Variants in DCC observed in about 807,000 individuals in gnomAD.
The protein encoded by DCC is netrin receptor DCC.
DCC carries 58 observed loss-of-function variants against 172.5 expected under a neutral mutation model. The observed-to-expected ratio is 0.34, with a 90% CI of 0.27 to 0.42. The LOEUF is 0.42. Ranked by LOEUF, DCC falls within the 10% of genes least tolerant of loss-of-function variation. DCC has a pLI of 1.00. For missense variants in DCC, 1,740 were observed against 1,791.0 expected, an observed-to-expected ratio of 0.97 and a Z score of 0.51; for synonymous variants, 709 against 644.5, an observed-to-expected ratio of 1.10 and a Z score of -1.52.
In DCC at chr18:53,450,516, A is replaced by C; in HGVS notation, c.3246A>C (p.Gln1082His). The C allele has an allele frequency of 1.9e-6, 3 of 1,613,942 alleles. No homozygotes were observed. The highest frequency in any genetic ancestry group is 2.2e-5 in the South Asian group (2 of 91,068). Residue 1082 changes from glutamine to histidine, a missense_variant, in exon 23 of 29, where the codon CAA becomes CAC. Physicochemically the swap from Gln to His is conservative, Grantham distance 24 (BLOSUM62 0). Coordinates refer to ENST00000442544, the MANE Select transcript of DCC (RefSeq NM_005215.4). ...RSTLNEPPIGQMHPPHGSVTP... is the reference protein window; with the variant it reads ...RSTLNEPPIGHMHPPHGSVTP... ...TTTTCCCAGAGCCGCCAATTGGACAAATGCACCCCCCGCATGGCAGTGTCA... is the reference window on the plus strand; with the variant it reads ...TTTTCCCAGAGCCGCCAATTGGACACATGCACCCCCCGCATGGCAGTGTCA...
intron 7 of DCC, among the ~76,000 whole-genome samples, chr18:53,127,743 T>C (rs570760810): frequency 6.6e-6 from 1 of 152,296 alleles, no homozygotes; most frequent in Admixed American, 6.5e-5. Flanking sequence ...TTCTGCCTTT[T>C]AGAAGTGGTG....
At chr18:52,720,367 T>G (rs148154852) in intron 1 of DCC, among the ~76,000 whole-genome samples, 257 of 152,348 alleles carry the variant, frequency 1.7e-3, no homozygotes, top group African/African-American at 5.8e-3. Context: ...AATTATTTTC[T>G]GGTTTGGAAT....
intron 1 of DCC, among the ~76,000 whole-genome samples, chr18:52,349,381 C>T (rs1984018849): frequency 6.6e-6 from 1 of 152,172 alleles, no homozygotes; most frequent in Non-Finnish European, 1.5e-5. Context: ...GTCCTCAATC[C>T]ATTGTTCCTG....
At chr18:52,858,440 G>A (rs974449090) in intron 2 of DCC, among the ~76,000 whole-genome samples, 3 of 152,186 alleles carry the variant, frequency 2.0e-5, no homozygotes, top group Non-Finnish European at 4.4e-5. Context: ...ACACACAGAA[G>A]CATGTGTCTA....
In DCC at chr18:53,169,239, T is replaced by C. The variant is rs938036812; in HGVS notation, c.1419-9723T>C. On this transcript the variant is annotated intron_variant, in intron 8 of 28. Transcript: ENST00000442544. ...GGTTAGTGGGTCAAACTGCATGCTT[T>C]TAGAGTAGAAACATTTATTTTCCAA... 8.0e-4 allele frequency among the ~76,000 whole-genome samples: 122 copies of C among 152,324 alleles called. 2 individuals carry two copies. Among genetic ancestry groups the C allele is most frequent in the Admixed American group, 3.3e-3 (50 of 15,302 alleles).
chr18:53,077,001 A>G (rs990311240), intron 7 of DCC, among the ~76,000 whole-genome samples: 8 of 152,152 alleles, frequency 5.3e-5, no homozygotes, highest in African/African-American at 1.7e-4. Flanking sequence ...GCTGATGTCA[A>G]CAGGCTGAAT....
chr18:52,899,643 C>G (rs182968356), intron 2 of DCC, among the ~76,000 whole-genome samples: 69 of 152,024 alleles, frequency 4.5e-4, no homozygotes, highest in African/African-American at 1.6e-3. Flanking sequence ...GCATGAGCCA[C>G]CGTGCCCGGC....
At chr18:52,843,558 T>A (rs1400985414) in intron 2 of DCC, among the ~76,000 whole-genome samples, 1 of 152,228 alleles carries the variant, frequency 6.6e-6, no homozygotes, top group East Asian at 1.9e-4. Flanking sequence ...AAACTCATAA[T>A]TAAATGTGTG....
At chr18:53,272,042 A>T (rs984083193) in intron 12 of DCC, among the ~76,000 whole-genome samples, 11 of 152,166 alleles carry the variant, frequency 7.2e-5, no homozygotes, top group African/African-American at 2.7e-4. Context: ...TGTTTCAGTT[A>T]CACCCTCTGT....
At chr18:52,908,194 A>G (rs1275074716) in intron 3 of DCC, among the ~76,000 whole-genome samples, 2 of 152,194 alleles carry the variant, frequency 1.3e-5, no homozygotes, top group Admixed American at 1.3e-4. Context: ...TTGTAATTCT[A>G]AAAGCAAACT....
chr18:53,026,912 A>G (rs187562432), intron 5 of DCC, among the ~76,000 whole-genome samples: 4 of 152,236 alleles, frequency 2.6e-5, no homozygotes, highest in Non-Finnish European at 2.9e-5. Context: ...ATGAAGATCT[A>G]GAAGGGTATT....
intron 1 of DCC, among the ~76,000 whole-genome samples, chr18:52,651,893 G>C (rs974261446): frequency 2.0e-5 from 3 of 152,162 alleles, no homozygotes; most frequent in African/African-American, 7.2e-5. Context: ...TTTAGAATTT[G>C]CAGAACATAA....
chr18:53,432,351 C>T (rs1180241133), intron 21 of DCC, among the ~76,000 whole-genome samples: 2 of 152,146 alleles, frequency 1.3e-5, no homozygotes, highest in Non-Finnish European at 2.9e-5. Flanking sequence ...TCTTTTTATA[C>T]TACTCCTTCC....
chr18:53,044,713 TTAAG>T (rs1481417509), intron 5 of DCC, among the ~76,000 whole-genome samples: 5 of 151,910 alleles, frequency 3.3e-5, no homozygotes, highest in Admixed American at 6.6e-5. Context: ...AAACAACTCC[TTAAG>T]TAACTCATAA....
intron 7 of DCC, among the ~76,000 whole-genome samples, chr18:53,098,878 G>T (rs938316113): frequency 4.6e-5 from 7 of 152,032 alleles, no homozygotes; most frequent in African/African-American, 1.7e-4. Context: ...AGCTGTGGTG[G>T]TATGTGCCTG....
At chr18:53,497,940 A>ATCAAG (rs1411388675) in intron 26 of DCC, among the ~76,000 whole-genome samples, 1 of 151,550 alleles carries the variant, frequency 6.6e-6, no homozygotes, top group Non-Finnish European at 1.5e-5. Flanking sequence ...GAAATCTTTT[A>ATCAAG]TCAAGTCTCT....
Position 53,427,381 on chromosome 18 carries a change from G to A in DCC, c.3164-7763G>A, listed in dbSNP as rs150992657. On this transcript the variant is annotated intron_variant, in intron 21 of 28. Transcript: ENST00000442544. ...GACCACCATCTACCACCATACTACT[G>A]ATATTATGAAGCCATCTTTATGTTT... 8.2e-3 allele frequency among the ~76,000 whole-genome samples: 1,251 copies of A among 152,096 alleles called. 17 individuals are homozygous for A. Among genetic ancestry groups the A allele is most frequent in the Admixed American group, 0.028 (420 of 15,250 alleles).
At position 53,459,403 on chromosome 18, in the gene DCC, A is replaced by G; in HGVS notation, c.3564A>G (p.Pro1188=). ...TCCAAAGTTGCCAAGACCTCACACC[A>G]GTCAGCCACAGCCAGTCAGAAACCC... The part of the protein sequence containing the change: ...SPIQSCQDLT[P]VSHSQSETQL... Residue 1188 remains proline (P), a synonymous_variant, in exon 24 of 29, where the codon CCA becomes CCG. Transcript: ENST00000442544. 1 of 1,614,036 alleles carries G rather than the reference A, an allele frequency of 6.2e-7. No homozygotes were observed. Among genetic ancestry groups the G allele is most frequent in the Non-Finnish European group, 8.5e-7 (1 of 1,179,950 alleles).
intron 1 of DCC, among the ~76,000 whole-genome samples, chr18:52,730,382 G>T (rs1226648675): frequency 2.0e-5 from 3 of 152,152 alleles, no homozygotes; most frequent in African/African-American, 4.8e-5. Flanking sequence ...TGGCCTAGGT[G>T]CATGAACTTT....
Sources: gnomAD v4.1 joint callset for allele counts (sites outside exome capture counted in the v4.1 genomes callset) on GRCh38, gnomAD v4.1.1 for gene constraint, MANE v1.5 for transcripts, NCBI Gene and HGNC (gene_info 2026-07-23, HGNC 2026-07-21) for gene names.